The following SLC25A21 variants were observed in gnomAD, a reference collection of about 807,000 sequenced individuals.
The protein encoded by SLC25A21 is mitochondrial 2-oxodicarboxylate carrier.
A neutral mutation model predicts 43.8 loss-of-function variants in SLC25A21; 47 were observed. That is an observed-to-expected ratio of 1.07 (90% CI 0.85 to 1.37). SLC25A21 has a LOEUF of 1.37. Among genes scored for constraint, SLC25A21 ranks in the 40% most tolerant of loss-of-function variants. SLC25A21 has a pLI of 0.00. For synonymous variants in SLC25A21, 131 were observed against 121.3 expected (o/e 1.08, Z -0.52); for missense variants, 352 against 350.2 (o/e 1.00, Z -0.04).
intron 1 of SLC25A21, among the ~76,000 whole-genome samples, chr14:37,125,055 A>C (rs899235841): frequency 2.0e-5 from 3 of 152,332 alleles, no homozygotes; most frequent in East Asian, 3.9e-4. Flanking sequence ...CTAACAATAC[A>C]GGATCTGAAT....
chr14:36,961,215 T>G (rs1276273011), intron 1 of SLC25A21, among the ~76,000 whole-genome samples: 1 of 143,024 alleles, frequency 7.0e-6, no homozygotes, highest in African/African-American at 2.6e-5. Flanking sequence ...TTTTCGTTTT[T>G]TGGTTTTTTT....
intron 1 of SLC25A21, among the ~76,000 whole-genome samples, chr14:36,946,056 A>G (rs995692220): frequency 1.3e-5 from 2 of 152,232 alleles, no homozygotes; most frequent in Non-Finnish European, 2.9e-5. Flanking sequence ...ACAAGAAAAA[A>G]GGATCAGATA....
intron 4 of SLC25A21, among the ~76,000 whole-genome samples, chr14:36,731,940 C>T (rs1037392657): frequency 6.6e-6 from 1 of 152,108 alleles, no homozygotes; most frequent in African/African-American, 2.4e-5. Context: ...TGAAAGTATC[C>T]CAAGGTGGTA....
chr14:37,002,364 A>G (rs778065255), intron 1 of SLC25A21, among the ~76,000 whole-genome samples: 3 of 152,182 alleles, frequency 2.0e-5, no homozygotes, highest in Non-Finnish European at 4.4e-5. Context: ...CATCTCAGCC[A>G]TTTTAATGTA....
At position 36,964,634 on chromosome 14, in the gene SLC25A21, T is replaced by C. The variant is rs768998288; in HGVS notation, c.71-89630A>G. Among the ~76,000 whole-genome samples, 23 of 152,216 alleles carry C rather than the reference T, an allele frequency of 1.5e-4. 1 individual carries two copies. Among genetic ancestry groups the C allele is most frequent in the Non-Finnish European group, 8.8e-5 (6 of 68,024 alleles). Reference sequence around the variant, plus strand: ...AGAGTGCAATAAAAGGACAAAGTAATATTATTGGTACCTTGTCAACACTCA... The same window carrying C: ...AGAGTGCAATAAAAGGACAAAGTAACATTATTGGTACCTTGTCAACACTCA... On this transcript the variant is annotated intron_variant, in intron 1 of 9. Coordinates refer to ENST00000331299, the MANE Select transcript of SLC25A21 (RefSeq NM_030631.4).
intron 1 of SLC25A21, among the ~76,000 whole-genome samples, chr14:37,059,505 C>G (rs1221474355): frequency 2.6e-5 from 4 of 152,176 alleles, no homozygotes; most frequent in Non-Finnish European, 4.4e-5. Context: ...TTCTTCCTAA[C>G]CTGGGCCTCC....
At chr14:36,992,242 C>T (rs1330336147) in intron 1 of SLC25A21, among the ~76,000 whole-genome samples, 3 of 152,026 alleles carry the variant, frequency 2.0e-5, no homozygotes, top group African/African-American at 4.8e-5. Flanking sequence ...ACTACCCAAT[C>T]CCCAAGATAT....
intron 1 of SLC25A21, among the ~76,000 whole-genome samples, chr14:37,143,419 C>T (rs1221916178): frequency 6.6e-6 from 1 of 152,168 alleles, no homozygotes; most frequent in Non-Finnish European, 1.5e-5. Flanking sequence ...ACAAAACACC[C>T]AAGAAATGTT....
chr14:36,754,258 C>A (rs979933022), intron 3 of SLC25A21, among the ~76,000 whole-genome samples: 4 of 152,122 alleles, frequency 2.6e-5, no homozygotes, highest in Admixed American at 1.3e-4. Context: ...AAAAGGCTGA[C>A]CTTTCCTGGA....
At chr14:36,697,373 G>C (rs1883073792) in intron 7 of SLC25A21, among the ~76,000 whole-genome samples, 1 of 152,170 alleles carries the variant, frequency 6.6e-6, no homozygotes, top group African/African-American at 2.4e-5. Flanking sequence ...GTGCTGAGAA[G>C]AATGTATATT....
intron 3 of SLC25A21, among the ~76,000 whole-genome samples, chr14:36,801,113 C>G (rs1376195432): frequency 2.0e-5 from 3 of 152,156 alleles, no homozygotes; most frequent in Admixed American, 1.3e-4. Context: ...AACTGAAGAC[C>G]TGGGGTGCTT....
At chr14:37,012,844 A>C (rs1960762342) in intron 1 of SLC25A21, among the ~76,000 whole-genome samples, 1 of 152,192 alleles carries the variant, frequency 6.6e-6, no homozygotes, top group Admixed American at 6.5e-5. Context: ...GGCTGTGTTT[A>C]ACTTGTCATT....
intron 1 of SLC25A21, among the ~76,000 whole-genome samples, chr14:37,045,175 A>G (rs1423039348): frequency 6.6e-6 from 1 of 152,216 alleles, no homozygotes; most frequent in East Asian, 1.9e-4. Flanking sequence ...AGTATTTCTG[A>G]GTATGCAGTT....
chr14:36,710,789 T>C (rs572156570), intron 7 of SLC25A21, among the ~76,000 whole-genome samples: 1 of 152,182 alleles, frequency 6.6e-6, no homozygotes, highest in African/African-American at 2.4e-5. Flanking sequence ...ATCATCATTG[T>C]TATTTTGCCT....
chr14:36,908,955 T>C (rs1056998934), intron 1 of SLC25A21, among the ~76,000 whole-genome samples: 2 of 152,146 alleles, frequency 1.3e-5, no homozygotes, highest in Non-Finnish European at 2.9e-5. Context: ...TTTGGGGTGA[T>C]AGTTTACTTG....
intron 6 of SLC25A21, among the ~76,000 whole-genome samples, chr14:36,724,088 C>T (rs771486563): frequency 1.3e-5 from 2 of 152,188 alleles, no homozygotes; most frequent in African/African-American, 4.8e-5. Context: ...TCCCCTCCCC[C>T]TGTTCCGCAC....
At chr14:36,788,468 G>C (rs1015688072) in intron 3 of SLC25A21, among the ~76,000 whole-genome samples, 1 of 150,220 alleles carries the variant, frequency 6.7e-6, no homozygotes, top group Non-Finnish European at 1.5e-5. Context: ...GAGGCAGGCG[G>C]CTGGGTACGC....
chr14:36,868,926 T>C (rs969669472), intron 2 of SLC25A21, among the ~76,000 whole-genome samples: 1 of 152,144 alleles, frequency 6.6e-6, no homozygotes, highest in African/African-American at 2.4e-5. Context: ...AGTGGCTGCA[T>C]CCTGAGGCTC....
chr14:36,737,636 T>G (rs1479542745), intron 3 of SLC25A21, among the ~76,000 whole-genome samples: 2 of 152,228 alleles, frequency 1.3e-5, no homozygotes, highest in Non-Finnish European at 2.9e-5. Flanking sequence ...GCACCGCTTC[T>G]GCTGAGGACT....
Sources: allele counts gnomAD v4.1 joint callset (sites outside exome capture counted in the v4.1 genomes callset), GRCh38; gene constraint gnomAD v4.1.1; transcripts MANE v1.5; gene names NCBI Gene and HGNC (gene_info 2026-07-23, HGNC 2026-07-21).